The following HMGB1 variants were observed in gnomAD, a reference collection of about 807,000 sequenced individuals.
HMGB1 encodes the protein high mobility group box 1.
For synonymous variants in HMGB1, 81 were observed against 84.0 expected (o/e 0.96, Z 0.19); for missense variants, 79 against 253.5 (o/e 0.31, Z 4.67).
chr13:30,579,631 C>T (rs150119525), intron 1 of HMGB1, among the ~76,000 whole-genome samples: 204 of 152,262 alleles, frequency 1.3e-3, no homozygotes, highest in African/African-American at 4.7e-3. Flanking sequence ...AGTTTCCTCA[C>T]TAAAGTCACC....
At chr13:30,597,721 C>T (rs746359498) in intron 1 of HMGB1, among the ~76,000 whole-genome samples, 3 of 152,108 alleles carry the variant, frequency 2.0e-5, no homozygotes, top group African/African-American at 7.2e-5. Context: ...ACATTTTAGG[C>T]TTTGTGGGCC....
At chr13:30,614,784 A>AC (rs1288099463) in intron 1 of HMGB1, among the ~76,000 whole-genome samples, 4 of 150,852 alleles carry the variant, frequency 2.7e-5, no homozygotes, top group Non-Finnish European at 5.9e-5. Context: ...GCAATCTCTG[A>AC]CCCCCGGGGT....
intron 1 of HMGB1, among the ~76,000 whole-genome samples, chr13:30,555,535 A>G (rs1869650784): frequency 6.6e-6 from 1 of 152,136 alleles, no homozygotes; most frequent in African/African-American, 2.4e-5. Flanking sequence ...TGTACTCACA[A>G]TTTTACTAGA....
intron 1 of HMGB1, among the ~76,000 whole-genome samples, chr13:30,555,033 G>T (rs377032276): frequency 9.7e-5 from 7 of 72,444 alleles, no homozygotes; most frequent in African/African-American, 1.7e-4. Flanking sequence ...GTGTCGTTGT[G>T]TTTTTTTTTT....
intron 1 of HMGB1, among the ~76,000 whole-genome samples, chr13:30,555,565 C>A (rs1466057803): frequency 6.6e-6 from 1 of 152,064 alleles, no homozygotes; most frequent in East Asian, 1.9e-4. Context: ...TATTAGCAAC[C>A]ACAATTCTAG....
intron 1 of HMGB1, among the ~76,000 whole-genome samples, chr13:30,503,095 T>C (rs1008777538): frequency 2.0e-5 from 3 of 151,930 alleles, no homozygotes; most frequent in African/African-American, 4.8e-5. Flanking sequence ...CCCAGCACTT[T>C]GGGAGGCCGA....
intron 1 of HMGB1, among the ~76,000 whole-genome samples, chr13:30,605,599 G>T (rs556253322): frequency 1.3e-5 from 2 of 151,018 alleles, no homozygotes; most frequent in South Asian, 4.2e-4. Flanking sequence ...GAGTTTTGGT[G>T]GGAAGACAGG....
chr13:30,528,824 C>G (rs1029188401), intron 1 of HMGB1, among the ~76,000 whole-genome samples: 1 of 151,850 alleles, frequency 6.6e-6, no homozygotes, highest in Non-Finnish European at 1.5e-5. Flanking sequence ...GTCAGGAGAT[C>G]GAGACCATCC....
intron 1 of HMGB1, among the ~76,000 whole-genome samples, chr13:30,594,163 AT>A (rs1871498496): frequency 6.6e-6 from 1 of 152,272 alleles, no homozygotes; most frequent in African/African-American, 2.4e-5. Context: ...ACACATGTGC[AT>A]AAGTGATAAA....
chr13:30,610,048 C>T (rs1373949078), intron 1 of HMGB1, among the ~76,000 whole-genome samples: 1 of 152,224 alleles, frequency 6.6e-6, no homozygotes, highest in Non-Finnish European at 1.5e-5. Flanking sequence ...GATCCATTTC[C>T]ACTTAATGAT....
In HMGB1 at chr13:30,596,510, G is replaced by A. The variant is rs548544482; in HGVS notation, c.-15+20161C>T. Among the ~76,000 whole-genome samples the A allele has an allele frequency of 4.6e-5, 7 of 152,282 alleles. No individual in the cohort carries two copies. In the South Asian group the frequency reaches 1.2e-3, roughly 27 times the overall value. Reference sequence around the variant, plus strand: ...TGAAAATCTCATGGGAACAACTCACGAGAATTAAGGCTTAAGAAAGTGATT... The same window carrying A: ...TGAAAATCTCATGGGAACAACTCACAAGAATTAAGGCTTAAGAAAGTGATT... On this transcript the variant is annotated intron_variant, in intron 1 of 4. Coordinates refer to the HMGB1 transcript ENST00000405805.
chr13:30,562,332 T>C (rs1869995390), intron 1 of HMGB1, among the ~76,000 whole-genome samples: 1 of 151,724 alleles, frequency 6.6e-6, no homozygotes, highest in Non-Finnish European at 1.5e-5. Flanking sequence ...ATTCTCACTG[T>C]ATAAATTTCT....
At chr13:30,583,711 C>CAGGT (rs1871009296) in intron 1 of HMGB1, among the ~76,000 whole-genome samples, 1 of 151,136 alleles carries the variant, frequency 6.6e-6, no homozygotes, top group Non-Finnish European at 1.5e-5. Flanking sequence ...TGGTGGCATG[C>CAGGT]ACCTGTAGTC....
intron 1 of HMGB1, among the ~76,000 whole-genome samples, chr13:30,524,708 A>ATAC (rs1888325452): frequency 7.0e-6 from 1 of 143,610 alleles, no homozygotes; most frequent in African/African-American, 2.5e-5. Context: ...ATAAATAATA[A>ATAC]TAATAATAAT....
chr13:30,477,169 C>T (rs1463841247), intron 1 of HMGB1, among the ~76,000 whole-genome samples: 1 of 152,188 alleles, frequency 6.6e-6, no homozygotes, highest in Non-Finnish European at 1.5e-5. Context: ...TTGAAATGCA[C>T]AGTTCACATT....
intron 1 of HMGB1, among the ~76,000 whole-genome samples, chr13:30,474,580 C>T (rs879401398): frequency 1.3e-5 from 2 of 152,054 alleles, no homozygotes; most frequent in Admixed American, 6.6e-5. Flanking sequence ...GACCCACAGA[C>T]GTTTCATTCG....
intron 1 of HMGB1, among the ~76,000 whole-genome samples, chr13:30,476,419 C>T (rs1182850676): frequency 6.6e-6 from 1 of 151,950 alleles, no homozygotes; most frequent in East Asian, 1.9e-4. Context: ...GATTACAGGC[C>T]TGAGCCATCG....
chr13:30,603,881 G>A (rs1033746190), intron 1 of HMGB1, among the ~76,000 whole-genome samples: 1 of 152,088 alleles, frequency 6.6e-6, no homozygotes, highest in South Asian at 2.1e-4. Context: ...AAAAGTCCAC[G>A]CGTGTTCAGA....
intron 1 of HMGB1, among the ~76,000 whole-genome samples, chr13:30,561,784 A>G (rs989344761): frequency 1.3e-5 from 2 of 152,172 alleles, no homozygotes; most frequent in Non-Finnish European, 2.9e-5. Flanking sequence ...GCTGGGATGG[A>G]GTTCACAGAC....
Sources: allele counts gnomAD v4.1 joint callset (sites outside exome capture counted in the v4.1 genomes callset), GRCh38; gene constraint gnomAD v4.1.1; transcripts MANE v1.5; gene names NCBI Gene and HGNC (gene_info 2026-07-23, HGNC 2026-07-21).